Variants in HSPG2 observed in about 807,000 individuals in gnomAD.
HSPG2 encodes the protein basement membrane-specific heparan sulfate proteoglycan core protein.
HSPG2 carries 278 observed loss-of-function variants against 526.6 expected under a neutral mutation model. The ratio of observed to expected loss-of-function variants is 0.53; its 90% CI spans 0.48 to 0.58. The LOEUF (loss-of-function observed/expected upper bound fraction) is 0.58, where lower values mean the gene tolerates loss of function less well. Ranked by LOEUF, HSPG2 falls within the 20% of genes least tolerant of loss-of-function variation. The pLI is 0.00. For missense variants in HSPG2, 5,354 were observed against 6,099.5 expected (o/e 0.88, Z 4.07); for synonymous variants, 2,465 against 2,555.4 (o/e 0.96, Z 1.07).
chr1:21,928,241 G>A (rs930480404), intron 1 of HSPG2, among the ~76,000 whole-genome samples: 2 of 152,184 alleles, frequency 1.3e-5, no homozygotes, highest in Non-Finnish European at 2.9e-5. Flanking sequence ...AGACCAATGA[G>A]GACACAGACA....
chr1:21,844,013 T>C lies in HSPG2; in HGVS notation c.8616+135A>G. The C allele has an allele frequency of 2.4e-6, 3 of 1,225,148 alleles. No individual in the cohort carries two copies. In the South Asian group the frequency reaches 4.0e-5, roughly 16 times the overall value. 75.9% of individuals were successfully genotyped at this position (1,225,148 alleles called of 1,614,324 possible). On this transcript the variant is annotated intron_variant, in intron 65 of 96. Transcript: ENST00000374695. ...CTGCTGTGCCCAGCCCGCTCTCAAC[T>C]TCCTGATTCCATTGACCTCCTGCTG...
At chr1:21,926,298 T>C (rs971558198) in intron 1 of HSPG2, among the ~76,000 whole-genome samples, 2 of 152,090 alleles carry the variant, frequency 1.3e-5, no homozygotes, top group Non-Finnish European at 1.5e-5. Flanking sequence ...TCAGGGAACA[T>C]TGACTGGTGA....
intron 66 of HSPG2, 139 bp downstream of exon 66, chr1:21,843,158 G>C (rs1291248514): frequency 2.3e-6 from 3 of 1,284,066 alleles, no homozygotes; most frequent in African/African-American, 2.9e-5. Context: ...GGAACACCTG[G>C]GTTGGCTTGA....
At position 21,869,402 on chromosome 1, in the gene HSPG2, G is replaced by A. The variant is rs1001603047; in HGVS notation, c.4221+2784C>T. 4.1e-6 allele frequency: 4 copies of A among 978,958 alleles called. No individual in the cohort carries two copies. In the African/African-American group the frequency reaches 7.0e-5, roughly 17 times the overall value. The allele number at this position is 978,958 out of a possible 1,614,324, so 60.6% of individuals were successfully genotyped here. ...CACAGAAATTGGTGAAGTTGGTTCA[G>A]AAATGACTGAAGTCTAGAAAGCATG... On this transcript the variant is annotated intron_variant, in intron 33 of 96. Transcript: ENST00000374695.
Position 21,864,689 on chromosome 1 carries a change from T to C in HSPG2, c.4626+154A>G, listed in dbSNP as rs1394647333. Among the ~76,000 whole-genome samples the C allele has an allele frequency of 6.6e-6, 1 of 152,236 alleles. No homozygotes were observed. The highest frequency in any genetic ancestry group is 6.5e-5 in the Admixed American group (1 of 15,288). On this transcript the variant is annotated intron_variant, in intron 36 of 96. Transcript: ENST00000374695. The surrounding 1 kb of genome is among the most constrained non-coding windows in gnomAD (Gnocchi z 4.8). Reference sequence around the variant, plus strand: ...TTACCTGTTAAAGGGGATAATGATATGTAACTCAGGGCTGTCGGGAGGAAT... The same window carrying C: ...TTACCTGTTAAAGGGGATAATGATACGTAACTCAGGGCTGTCGGGAGGAAT...
rs1430323781 is a variant in HSPG2, at chr1:21,845,974, G to A, written c.8464+134C>T. The A allele has an allele frequency of 4.5e-6, 5 of 1,102,570 alleles. No homozygotes were observed. The African/African-American group carries it at 7.7e-5, about 17-fold the overall frequency. The allele number at this position is 1,102,570 out of a possible 1,614,324, so 68.3% of individuals were successfully genotyped here. On this transcript the variant is annotated intron_variant, in intron 64 of 96. Transcript: ENST00000374695. ...TGGTCCTGGGACCGTGTGGGTGGCG[G>A]GAGGTGAAGTCTGGAATCAGAGCGG...
chr1:21,855,185 G>A, intron 47 of HSPG2, 119 bp downstream of exon 47: 3 of 1,411,686 alleles, frequency 2.1e-6, no homozygotes, highest in Non-Finnish European at 2.9e-6. Flanking sequence ...CCACCATCTT[G>A]GAGGTGAAGG....
chr1:21,854,708 T>G lies in HSPG2; in HGVS notation c.6191A>C (p.Glu2064Ala). The G allele has an allele frequency of 6.2e-7, 1 of 1,613,006 alleles. No homozygotes were observed. The highest frequency in any genetic ancestry group is 8.5e-7 in the Non-Finnish European group (1 of 1,179,638). ...ACAGTTGAGGTCGAGTGTTTGCCCTTCTGTCACAGAAGGCGATGAGGACTC... is the reference window on the plus strand; with the variant it reads ...ACAGTTGAGGTCGAGTGTTTGCCCTGCTGTCACAGAAGGCGATGAGGACTC... ...KIESSSPSVT[E>A]GQTLDLNCVV... The change falls in exon 49 of 97, where the codon GAA becomes GCA. Residue 2064 changes from glutamate (E) to alanine (A), a missense_variant. Coordinates refer to ENST00000374695, the MANE Select transcript of HSPG2 (RefSeq NM_005529.7).
At chr1:21,871,601 C>T (rs779482447) in intron 33 of HSPG2, among the ~76,000 whole-genome samples, 8 of 152,158 alleles carry the variant, frequency 5.3e-5, no homozygotes, top group Non-Finnish European at 7.4e-5. Flanking sequence ...GTTTGGATCC[C>T]GGCATTCCCA....
chr1:21,836,787 C>T lies in HSPG2; in HGVS notation c.10355+15G>A, dbSNP rs2098027935. The T allele has an allele frequency of 1.1e-5, 17 of 1,543,728 alleles. No homozygotes were observed. The highest frequency in any genetic ancestry group is 1.3e-5 in the Non-Finnish European group (15 of 1,149,084). ...TATGCTGCCCAAGTCCAGTCCTGCC[C>T]CCGGCCCCACTCACCGGAGCACCCC... On this transcript the variant is annotated intron_variant, in intron 75 of 96. Transcript: ENST00000374695.
At position 21,855,463 on chromosome 1, in the gene HSPG2, G is replaced by A. The variant is rs751730391; in HGVS notation, c.5855-17C>T. On this transcript the variant is annotated splice_polypyrimidine_tract_variant and intron_variant, in intron 46 of 96. Transcript: ENST00000374695. The stretch of plus-strand genomic sequence containing the variant: ...CACCGCCCCCTGCAGACAGAGTCCT[G>A]TGAGAACACGCCCTGGGCTGAGCAC... The A allele has an allele frequency of 9.3e-6, 15 of 1,612,712 alleles. No individual in the cohort carries two copies. The Admixed American group carries it at 2.2e-4, about 23-fold the overall frequency.
At position 21,828,189 on chromosome 1, in the gene HSPG2, A is replaced by G; in HGVS notation, c.12410-37T>C. Reference sequence around the variant, plus strand: ...GGCAGAGGCGAGTGGGTGGGTGGGCATGGGCTGGAGGTGTCGCTGACCACC... The same window carrying G: ...GGCAGAGGCGAGTGGGTGGGTGGGCGTGGGCTGGAGGTGTCGCTGACCACC... On this transcript the variant is annotated intron_variant, in intron 89 of 96. Transcript: ENST00000374695. This position sits in a 1 kb window ranked among gnomAD's most constrained non-coding sequence, Gnocchi z 6.0. 1.3e-6 allele frequency: 1 copy of G among 746,216 alleles called. No homozygotes were observed. Among genetic ancestry groups the G allele is most frequent in the Non-Finnish European group, 2.2e-6 (1 of 455,144 alleles). The allele number at this position is 746,216 out of a possible 1,614,324, so 46.2% of individuals were successfully genotyped here. A position where few individuals can be genotyped will look rare whatever the true frequency, so the allele number is the denominator to read the frequency against.
In HSPG2 at chr1:21,937,219, G is replaced by GC; in HGVS notation, c.-3dup. The GC allele has an allele frequency of 9.7e-7, 1 of 1,030,526 alleles. No individual in the cohort carries two copies. The highest frequency in any genetic ancestry group is 1.2e-6 in the Non-Finnish European group (1 of 854,026). 63.8% of individuals were successfully genotyped at this position (1,030,526 alleles called of 1,614,324 possible). A position where few individuals can be genotyped will look rare whatever the true frequency, so the allele number is the denominator to read the frequency against. On this transcript the variant is annotated 5_prime_UTR_variant, in exon 1 of 97. Coordinates refer to ENST00000374695, the MANE Select transcript of HSPG2 (RefSeq NM_005529.7). ...CGCGCCCGCCGCCCGCCACCCCATG[G>GC]CCCGGCCCGCGCCGCTCTCTCGCTC... is the stretch of plus-strand genomic sequence containing the variant.
At chr1:21,840,219 C>T (rs1179144139) in intron 71 of HSPG2, among the ~76,000 whole-genome samples, 2 of 152,188 alleles carry the variant, frequency 1.3e-5, no homozygotes, top group African/African-American at 4.8e-5. Context: ...CTCATTGCAA[C>T]CTCTGCCTCC....
rs149644947 is a variant in HSPG2 at position 21,839,967 on chromosome 1, C to G, written c.9564G>C (p.Gln3188His). 1,262 of 1,614,070 alleles carry G rather than the reference C, an allele frequency of 7.8e-4. No individual in the cohort carries two copies. The highest frequency in any genetic ancestry group is 8.9e-4 in the Non-Finnish European group (1,056 of 1,180,050). Reference protein sequence around the residue: ...SDAGTYVCLAQNALGTAQKQV... With the variant: ...SDAGTYVCLAHNALGTAQKQV... The stretch of plus-strand genomic sequence containing the variant: ...GCTTCTGTGCTGTGCCTAGTGCATT[C>G]TGAGCAAGGCACACATAAGTGCCCG... Residue 3188 changes from glutamine (Q) to histidine (H), a missense_variant, in exon 72 of 97, where the codon CAG becomes CAC. Transcript: ENST00000374695. The surrounding 1 kb of genome is among the most constrained non-coding windows in gnomAD (Gnocchi z 4.5).
rs762606029 is a variant in HSPG2 at position 21,881,526 on chromosome 1, G to A, written c.1655-24C>T. On this transcript the variant is annotated intron_variant, in intron 13 of 96. Coordinates refer to ENST00000374695, the MANE Select transcript of HSPG2 (RefSeq NM_005529.7). ...ACCTGTGGGTGGCAAGGGGGAGGCTGAGGGCTGCAGCCTGGGCCTGCCTGA... is the reference window on the plus strand; with the variant it reads ...ACCTGTGGGTGGCAAGGGGGAGGCTAAGGGCTGCAGCCTGGGCCTGCCTGA... 2.5e-6 allele frequency: 4 copies of A among 1,603,524 alleles called. No homozygotes were observed. The Admixed American group carries it at 5.0e-5, about 20-fold the overall frequency.
chr1:21,891,855 C>G (rs954233329), intron 3 of HSPG2, among the ~76,000 whole-genome samples: 5 of 152,214 alleles, frequency 3.3e-5, no homozygotes, highest in African/African-American at 1.2e-4. Context: ...AAGCAATCCT[C>G]TCACTTTGGC....
intron 1 of HSPG2, among the ~76,000 whole-genome samples, chr1:21,919,321 G>C (rs1465895997): frequency 1.3e-5 from 2 of 151,916 alleles, no homozygotes; most frequent in African/African-American, 4.8e-5. Flanking sequence ...AGCTACTTGG[G>C]AGGCTGAGGC....
chr1:21,862,157 A>G, intron 37 of HSPG2, 42 bp from the exon 38 acceptor site: 1 of 1,606,472 alleles, frequency 6.2e-7, no homozygotes, highest in Non-Finnish European at 8.5e-7. Flanking sequence ...ATTAGGCCAA[A>G]TTTACCAGAA....
Sources: allele counts gnomAD v4.1 joint callset (sites outside exome capture counted in the v4.1 genomes callset), GRCh38; gene constraint gnomAD v4.1.1; non-coding constraint Gnocchi (gnomAD v3.1); transcripts MANE v1.5; gene names NCBI Gene and HGNC (gene_info 2026-07-23, HGNC 2026-07-21).